The following IGSF11 variants were observed in gnomAD, a reference collection of about 807,000 sequenced individuals.
The protein encoded by IGSF11 is CXADR like 1.
Under a neutral mutation model 41.0 loss-of-function variants are expected in IGSF11, and 22 were observed. The ratio of observed to expected loss-of-function variants is 0.54; its 90% confidence interval spans 0.38 to 0.77. The LOEUF (loss-of-function observed/expected upper bound fraction) is 0.77. IGSF11 is among the 30% of genes least tolerant of loss of function. IGSF11 has a pLI of 0.00. For missense variants in IGSF11, 444 were observed against 530.8 expected (o/e 0.84, Z 1.61); for synonymous variants, 219 against 201.3 (o/e 1.09, Z -0.74).
intron 1 of IGSF11, among the ~76,000 whole-genome samples, chr3:119,044,444 G>C (rs553782002): frequency 6.6e-6 from 1 of 152,086 alleles, no homozygotes; most frequent in East Asian, 1.9e-4. Flanking sequence ...AGAATAATTA[G>C]TATTCCTGAG....
intron 4 of IGSF11, among the ~76,000 whole-genome samples, chr3:118,916,141 G>A (rs1378101106): frequency 1.0e-4 from 15 of 150,640 alleles, no homozygotes; most frequent in South Asian, 2.2e-4. Flanking sequence ...GGTAGCAGCC[G>A]CTGCAAAATC....
In IGSF11 at chr3:118,970,250, T is replaced by C. The variant is rs1045826464; in HGVS notation, c.53-39975A>G. Reference sequence around the variant, plus strand: ...CTTCTGCAGTAAGAGATATGCTACGTTTGTCTTTTCCTGAAAAAAATAATT... The same window carrying C: ...CTTCTGCAGTAAGAGATATGCTACGCTTGTCTTTTCCTGAAAAAAATAATT... On this transcript the variant is annotated intron_variant, in intron 1 of 6. Coordinates refer to ENST00000393775, the MANE Select transcript of IGSF11 (RefSeq NM_001015887.3). Among the ~76,000 whole-genome samples, 5 of 152,330 alleles carry C rather than the reference T, an allele frequency of 3.3e-5. 1 individual carries two copies. Among genetic ancestry groups the C allele is most frequent in the East Asian group, 1.9e-4 (1 of 5,186 alleles).
intron 1 of IGSF11, among the ~76,000 whole-genome samples, chr3:119,015,709 C>T (rs1192165047): frequency 6.6e-6 from 1 of 151,256 alleles, no homozygotes; most frequent in African/African-American, 2.4e-5. Flanking sequence ...TAACACAAAG[C>T]AGGCACTAGA....
At chr3:119,075,594 CA>C (rs2076481018) in intron 1 of IGSF11, among the ~76,000 whole-genome samples, 1 of 152,118 alleles carries the variant, frequency 6.6e-6, no homozygotes, top group African/African-American at 2.4e-5. Context: ...ACTAGCAAAC[CA>C]AATCAAGCAT....
intron 1 of IGSF11, among the ~76,000 whole-genome samples, chr3:119,043,585 A>G (rs1941204026): frequency 6.6e-6 from 1 of 152,198 alleles, no homozygotes; most frequent in Non-Finnish European, 1.5e-5. Context: ...TACTGCTAGC[A>G]TGCTAGCATA....
chr3:119,066,938 C>T (rs920079106), intron 1 of IGSF11, among the ~76,000 whole-genome samples: 1 of 152,150 alleles, frequency 6.6e-6, no homozygotes, highest in Admixed American at 6.5e-5. Context: ...ACCATTTTAT[C>T]TATGAGTCCA....
At position 118,925,144 on chromosome 3, in the gene IGSF11, A is replaced by C. The variant is rs1233297938; in HGVS notation, c.580+957T>G. Reference sequence around the variant, plus strand: ...CTAGGTTAATTAAAAGACTATTGTAAGGTCCATCAACATTTGCTGGGATTA... The same window carrying C: ...CTAGGTTAATTAAAAGACTATTGTACGGTCCATCAACATTTGCTGGGATTA... On this transcript the variant is annotated intron_variant, in intron 4 of 6. Coordinates refer to ENST00000393775, the MANE Select transcript of IGSF11 (RefSeq NM_001015887.3). 7.2e-5 allele frequency among the ~76,000 whole-genome samples: 11 copies of C among 152,202 alleles called. No individual in the cohort carries two copies. In the South Asian group the frequency reaches 1.4e-3, roughly 20 times the overall value.
At chr3:118,951,558 A>T (rs892144736) in intron 1 of IGSF11, among the ~76,000 whole-genome samples, 2 of 152,176 alleles carry the variant, frequency 1.3e-5, no homozygotes, top group Admixed American at 6.5e-5. Context: ...TTTTAAAAAT[A>T]ATAATAGACT....
intron 1 of IGSF11, among the ~76,000 whole-genome samples, chr3:119,062,618 G>T (rs1942089838): frequency 6.6e-6 from 1 of 152,230 alleles, no homozygotes; most frequent in Non-Finnish European, 1.5e-5. Context: ...CAGAAGTCCT[G>T]TTGCTGAATC....
chr3:119,071,885 A>G (rs1000413989), intron 1 of IGSF11, among the ~76,000 whole-genome samples: 2 of 152,228 alleles, frequency 1.3e-5, no homozygotes, highest in African/African-American at 4.8e-5. Context: ...AACAGCTGGA[A>G]TTTTGACAGG....
intron 1 of IGSF11, among the ~76,000 whole-genome samples, chr3:118,938,574 C>T (rs1185209523): frequency 6.6e-6 from 1 of 152,190 alleles, no homozygotes; most frequent in African/African-American, 2.4e-5. Flanking sequence ...GGACATGCTA[C>T]TATGATTGCT....
chr3:118,907,104 C>T (rs1366527792), intron 4 of IGSF11, among the ~76,000 whole-genome samples: 3 of 152,124 alleles, frequency 2.0e-5, no homozygotes, highest in Non-Finnish European at 4.4e-5. Context: ...ACACAAAGTC[C>T]AAGTATGCCT....
chr3:119,029,170 T>A (rs1940119895), intron 1 of IGSF11, among the ~76,000 whole-genome samples: 1 of 82,600 alleles, frequency 1.2e-5, no homozygotes, highest in African/African-American at 6.0e-5. Context: ...CTTTTGGGGA[T>A]AATACACACA....
intron 1 of IGSF11, among the ~76,000 whole-genome samples, chr3:119,132,532 A>C: frequency 6.6e-6 from 1 of 152,286 alleles, no homozygotes; most frequent in East Asian, 1.9e-4. Flanking sequence ...ACTATCCTAA[A>C]TAGATATGCA....
chr3:118,967,577 G>C (rs1945770333), intron 1 of IGSF11, among the ~76,000 whole-genome samples: 1 of 151,960 alleles, frequency 6.6e-6, no homozygotes, highest in Non-Finnish European at 1.5e-5. Context: ...CTACTGACTT[G>C]TCAGTAGGAA....
chr3:118,903,649 A>G (rs1939203899), intron 6 of IGSF11, among the ~76,000 whole-genome samples: 2 of 152,214 alleles, frequency 1.3e-5, no homozygotes. Context: ...ACAGTCTAAA[A>G]GAAGTCATTT....
At chr3:119,074,352 C>G (rs1166570559) in intron 1 of IGSF11, among the ~76,000 whole-genome samples, 1 of 151,780 alleles carries the variant, frequency 6.6e-6, no homozygotes, top group Non-Finnish European at 1.5e-5. Flanking sequence ...AAATTAATAC[C>G]AAAAGGTCTC....
chr3:119,050,922 C>T (rs955227238), intron 1 of IGSF11, among the ~76,000 whole-genome samples: 2 of 148,460 alleles, frequency 1.3e-5, no homozygotes, highest in East Asian at 2.0e-4. Flanking sequence ...CGCATATTCT[C>T]ACTCATAGGT....
At chr3:119,019,974 T>TTTA (rs559377461) in intron 1 of IGSF11, among the ~76,000 whole-genome samples, 1,821 of 152,248 alleles carry the variant, frequency 0.012, 17 homozygotes, top group Non-Finnish European at 0.018. Flanking sequence ...ATTTATGCCA[T>TTTA]TATAAAAGAA....
Sources: gnomAD v4.1 joint callset for allele counts (sites outside exome capture counted in the v4.1 genomes callset) on GRCh38, gnomAD v4.1.1 for gene constraint, MANE v1.5 for transcripts, NCBI Gene and HGNC (gene_info 2026-07-23, HGNC 2026-07-21) for gene names.